SAMD9L: variants seen among roughly 807,000 people sequenced by gnomAD.
The protein encoded by SAMD9L is sterile alpha motif domain-containing protein 9-like.
Under a neutral mutation model 90.7 loss-of-function variants are expected in SAMD9L, and 68 were observed. The ratio of observed to expected loss-of-function variants is 0.75; its 90% CI spans 0.62 to 0.92. SAMD9L has a LOEUF of 0.92. Among genes scored for constraint, SAMD9L ranks in the 40% least tolerant of loss-of-function variants. The probability of loss-of-function intolerance (pLI) is 0.00; values close to 1 mark genes in which losing one functional copy is unlikely to be tolerated. For synonymous variants in SAMD9L, 640 were observed against 630.1 expected (o/e 1.02, Z -0.23); for missense variants, 1,604 against 1,824.3 (o/e 0.88, Z 2.20).
At chr7:93,139,912 C>T (rs1792614152) in intron 4 of SAMD9L, among the ~76,000 whole-genome samples, 1 of 152,202 alleles carries the variant, frequency 6.6e-6, no homozygotes, top group African/African-American at 2.4e-5. Context: ...TTCCTCACTC[C>T]ATTCATGTTT....
chr7:93,142,373 A>T (rs948197558), intron 4 of SAMD9L, among the ~76,000 whole-genome samples: 6 of 152,238 alleles, frequency 3.9e-5, no homozygotes, highest in Non-Finnish European at 5.9e-5. Flanking sequence ...GAATGAGGAA[A>T]TTAACATTTT....
At chr7:93,142,959 G>A (rs569277733) in intron 4 of SAMD9L, among the ~76,000 whole-genome samples, 31 of 152,158 alleles carry the variant, frequency 2.0e-4, no homozygotes, top group Non-Finnish European at 3.7e-4. Flanking sequence ...AGACACCAGC[G>A]CTCTACAAGA....
chr7:93,141,703 G>T (rs760113352), intron 4 of SAMD9L, among the ~76,000 whole-genome samples: 1 of 151,904 alleles, frequency 6.6e-6, no homozygotes, highest in Non-Finnish European at 1.5e-5. Flanking sequence ...TCTCTTTCCT[G>T]GATTATTTTT....
intron 4 of SAMD9L, among the ~76,000 whole-genome samples, chr7:93,140,437 CAT>C (rs1231572847): frequency 6.6e-6 from 1 of 151,384 alleles, no homozygotes; most frequent in Admixed American, 6.6e-5. Flanking sequence ...CCCTCCATAC[CAT>C]GACTGGTCTC....
chr7:93,139,633 A>G (rs1484004880), intron 4 of SAMD9L, among the ~76,000 whole-genome samples: 2 of 152,208 alleles, frequency 1.3e-5, no homozygotes, highest in Non-Finnish European at 2.9e-5. Flanking sequence ...CCTCCCTGCC[A>G]ATAGCTTGAT....
intron 3 of SAMD9L, 125 bp from the exon 4 acceptor site, chr7:93,144,958 C>T (rs1347522874): frequency 6.6e-6 from 1 of 152,186 alleles, no homozygotes; most frequent in Non-Finnish European, 1.5e-5. Flanking sequence ...GATGGCTAAA[C>T]CTTGGAGGAT....
rs777043500 is a variant in SAMD9L at position 93,134,511 on chromosome 7, A to T, written c.1461T>A (p.Leu487=). ...TCCAGCTGGGCTGTTGGTAAAGATT[A>T]AGAGTAGAAATCTTCTCCCACATGT... ...TTNMWEKIST[L]NLYQQPSWIF... is the part of the protein sequence containing the mutation. The change falls in exon 5 of 5, where the codon CTT becomes CTA. Residue 487 remains leucine, a synonymous_variant. Transcript: ENST00000318238. The T allele has an allele frequency of 6.2e-7, 1 of 1,613,856 alleles. No individual in the cohort carries two copies. The highest frequency in any genetic ancestry group is 2.2e-5 in the East Asian group (1 of 44,896).
chr7:93,148,307 C>G lies in SAMD9L; in HGVS notation c.-1156G>C, dbSNP rs1792974211. 6.6e-6 allele frequency: 1 copy of G among 152,082 alleles called. No homozygotes were observed. Among genetic ancestry groups the G allele is most frequent in the Non-Finnish European group, 1.5e-5 (1 of 68,000 alleles). The allele number at this position is 152,082 out of a possible 1,614,324, so 9.4% of individuals were successfully genotyped here. ...CTAGGAGACATGAAGTGTAAGGATC[C>G]TTTTTTAAAAACTGAGGCATTAAAT... On this transcript the variant is annotated 5_prime_UTR_variant, in exon 1 of 5. Transcript: ENST00000318238.
rs1792084456 is a variant in SAMD9L at position 93,131,402 on chromosome 7, G to A, written c.4570C>T (p.Arg1524Cys). 4 of 1,613,592 alleles carry A rather than the reference G, an allele frequency of 2.5e-6. No homozygotes were observed. Among genetic ancestry groups the A allele is most frequent in the African/African-American group, 1.3e-5 (1 of 74,992 alleles). ...TTGCCTTCAGCCTGACCAGTTAGACGACGCAGGAGGTCTTTGACTTCATTT... is the reference window on the plus strand; with the variant it reads ...TTGCCTTCAGCCTGACCAGTTAGACAACGCAGGAGGTCTTTGACTTCATTT... Reference protein sequence around the residue: ...KKNEVKDLLRRLTGQAEGKLI... With the variant: ...KKNEVKDLLRCLTGQAEGKLI... The change falls in exon 5 of 5, where the codon CGT becomes TGT. Residue 1524 changes from arginine to cysteine, a missense_variant. Arg to Cys is a radical substitution (Grantham distance 180, BLOSUM62 -3). This residue lies in a region of SAMD9L where 282 missense variants were observed against 329.6 expected (regional missense o/e 0.86). Transcript: ENST00000318238.
Position 93,134,786 on chromosome 7 carries a change from G to C in SAMD9L, c.1186C>G (p.Leu396Val). The C allele has an allele frequency of 4.3e-6, 7 of 1,613,278 alleles. No homozygotes were observed. Among genetic ancestry groups the C allele is most frequent in the Non-Finnish European group, 5.9e-6 (7 of 1,179,876 alleles). The change falls in exon 5 of 5, where the codon CTA (leucine) becomes GTA (valine). Residue 396 changes from leucine to valine, a missense_variant. Transcript: ENST00000318238. ...MKAMKKESEGLKLVKLLIGNR... is the reference protein window; with the variant it reads ...MKAMKKESEGVKLVKLLIGNR... Reference sequence around the variant, plus strand: ...CCTATGAGAAGTTTAACCAGCTTTAGTCCTTCACTCTCCTTCTTCATTGCC... The same window carrying C: ...CCTATGAGAAGTTTAACCAGCTTTACTCCTTCACTCTCCTTCTTCATTGCC...
chr7:93,135,709 C>G lies in SAMD9L; in HGVS notation c.263G>C (p.Gly88Ala). ...GGACGGTTTTGAATTATCTAATTGT[C>G]CCGGATCATGATTGTCACTTTCAGG... ...KSPESDNHDP[G>A]QLDNSKPSKT... The change falls in exon 5 of 5, where the codon GGA becomes GCA. Residue 88 changes from glycine (G) to alanine (A), a missense_variant. Gly to Ala is a moderately conservative substitution (Grantham distance 60, BLOSUM62 0). This residue lies in a region of SAMD9L where 374 missense variants were observed against 363.6 expected (regional missense o/e 1.03). Transcript: ENST00000318238. 2 of 1,613,924 alleles carry G rather than the reference C, an allele frequency of 1.2e-6. No homozygotes were observed. Among genetic ancestry groups the G allele is most frequent in the Non-Finnish European group, 1.7e-6 (2 of 1,179,948 alleles).
chr7:93,135,855 A>G lies in SAMD9L; in HGVS notation c.117T>C (p.Ser39=), dbSNP rs141858354. 4.5e-5 allele frequency: 72 copies of G among 1,613,946 alleles called. No homozygotes were observed. In the East Asian group the frequency reaches 1.6e-3, roughly 36 times the overall value. ...INEQYGQILL[S]EEVTGLVLQE... ...GCAGGACTAATCCTGTTACTTCTTC[A>G]CTGAGCAGAATTTGCCCGTATTGCT... Residue 39 remains serine (S), a synonymous_variant, in exon 5 of 5, where the codon AGT becomes AGC. Coordinates refer to ENST00000318238, the MANE Select transcript of SAMD9L (RefSeq NM_152703.5).
chr7:93,136,449 C>A (rs1792456801), intron 4 of SAMD9L, among the ~76,000 whole-genome samples: 1 of 152,132 alleles, frequency 6.6e-6, no homozygotes, highest in South Asian at 2.1e-4. Flanking sequence ...AGTAACAGAG[C>A]AGTTGGTTAA....
At chr7:93,142,400 T>C (rs531719877) in intron 4 of SAMD9L, among the ~76,000 whole-genome samples, 4 of 152,342 alleles carry the variant, frequency 2.6e-5, no homozygotes, top group African/African-American at 9.6e-5. Context: ...AGTGAAACAA[T>C]TGAATTGTAT....
At chr7:93,144,490 A>G (rs540005299) in intron 4 of SAMD9L, among the ~76,000 whole-genome samples, 2 of 152,348 alleles carry the variant, frequency 1.3e-5, no homozygotes, top group South Asian at 4.1e-4. Context: ...GAGGATGTGT[A>G]TAGGTTATAT....
intron 4 of SAMD9L, among the ~76,000 whole-genome samples, chr7:93,144,526 G>A (rs1792818433): frequency 6.6e-6 from 1 of 152,214 alleles, no homozygotes; most frequent in Admixed American, 6.5e-5. Context: ...TTTCACATTA[G>A]GGATTTGAGC....
rs142961406 is a variant in SAMD9L, at chr7:93,133,581, A to G, written c.2391T>C (p.Pro797=). The G allele has an allele frequency of 3.1e-6, 5 of 1,613,896 alleles. No individual in the cohort carries two copies. The highest frequency in any genetic ancestry group is 3.4e-6 in the Non-Finnish European group (4 of 1,179,862). ...CAAAATCATCCACAAGGAGAAGCAC[A>G]GGAATGTAATCCTGATGGCTCTTTG... ...YRAKSHQDYI[P]VLLLVDDFEE... The change falls in exon 5 of 5, where the codon CCT becomes CCC. Residue 797 remains proline (P), a synonymous_variant. Coordinates refer to ENST00000318238, the MANE Select transcript of SAMD9L (RefSeq NM_152703.5).
intron 4 of SAMD9L, 29 bp from the exon 5 acceptor site, chr7:93,136,020 T>C: frequency 7.1e-7 from 1 of 1,403,324 alleles, no homozygotes; most frequent in South Asian, 1.5e-5. Flanking sequence ...ATAAGTATTT[T>C]AGAATTATAC....
chr7:93,145,842 A>G lies in SAMD9L; in HGVS notation c.-580T>C, dbSNP rs1006774392. On this transcript the variant is annotated 5_prime_UTR_variant, in exon 3 of 5. An upstream start codon of the reference 5' UTR is lost. Transcript: ENST00000318238. The stretch of plus-strand genomic sequence containing the variant: ...AGGTACACTTTATCTCTCTTCCAGC[A>G]TTCCACATTCAATGTGGAGCAAATC... 1.8e-4 allele frequency: 28 copies of G among 152,210 alleles called. No individual in the cohort carries two copies. Among genetic ancestry groups the G allele is most frequent in the African/African-American group, 6.8e-4 (28 of 41,452 alleles). 9.4% of individuals were successfully genotyped at this position (152,210 alleles called of 1,614,324 possible).
Sources: gnomAD v4.1 joint callset for allele counts (sites outside exome capture counted in the v4.1 genomes callset) on GRCh38, gnomAD v4.1.1 for gene constraint, gnomAD v4.1.1 regional missense constraint, MANE v1.5 for transcripts, NCBI Gene and HGNC (gene_info 2026-07-23, HGNC 2026-07-21) for gene names.